The following PCDHA11 variants were observed in gnomAD, a reference collection of about 807,000 sequenced individuals.
PCDHA11 encodes the protein protocadherin alpha 11, also known as protocadherin alpha-11.
A neutral mutation model predicts 70.3 loss-of-function variants in PCDHA11; 61 were observed. The observed-to-expected ratio is 0.87, with a 90% CI of 0.71 to 1.07. The LOEUF (loss-of-function observed/expected upper bound fraction) is 1.07, where lower values mean the gene tolerates loss of function less well. Ranked by LOEUF, PCDHA11 falls within the 50% of genes least tolerant of loss-of-function variation. The probability of loss-of-function intolerance (pLI) is 0.00; values close to 1 mark genes in which losing one functional copy is unlikely to be tolerated. For missense variants in PCDHA11, 1,324 were observed against 1,237.5 expected, an observed-to-expected ratio of 1.07 and a Z score of -1.05; for synonymous variants, 633 against 555.1, an observed-to-expected ratio of 1.14 and a Z score of -1.97.
At chr5:140,947,454 C>T (rs138457341) in intron 1 of PCDHA11, among the ~76,000 whole-genome samples, 1 of 151,582 alleles carries the variant, frequency 6.6e-6, no homozygotes, top group Non-Finnish European at 1.5e-5. Flanking sequence ...ATCCTCCAAC[C>T]TTGTTCTACT....
chr5:140,966,709 G>C, intron 1 of PCDHA11: 1 of 1,387,174 alleles, frequency 7.2e-7, no homozygotes. Context: ...CGTGGGGCAC[G>C]GCTGGGGAAG....
chr5:140,919,115 T>G (rs2079009343), intron 1 of PCDHA11, among the ~76,000 whole-genome samples: 1 of 152,228 alleles, frequency 6.6e-6, no homozygotes, highest in Non-Finnish European at 1.5e-5. Context: ...TTCTGCCAGT[T>G]TTTGCTTCAT....
At chr5:140,919,012 C>T (rs1411489160) in intron 1 of PCDHA11, among the ~76,000 whole-genome samples, 1 of 152,164 alleles carries the variant, frequency 6.6e-6, no homozygotes, top group Non-Finnish European at 1.5e-5. Flanking sequence ...CTTTCATTTC[C>T]TAGTGATCTT....
intron 1 of PCDHA11, chr5:140,967,313 C>T: frequency 6.2e-7 from 1 of 1,611,052 alleles, no homozygotes; most frequent in Non-Finnish European, 8.5e-7. Flanking sequence ...CAACTCAGTA[C>T]AGACCTACGA....
intron 1 of PCDHA11, among the ~76,000 whole-genome samples, chr5:140,924,907 A>T (rs538089373): frequency 0.035 from 1,776 of 50,942 alleles, 16 homozygotes; most frequent in Non-Finnish European, 0.042. Context: ...AAAAAAAAAT[A>T]AAATAAAATA....
At chr5:140,989,839 AGT>A (rs1161936815) in intron 3 of PCDHA11, among the ~76,000 whole-genome samples, 2 of 152,166 alleles carry the variant, frequency 1.3e-5, no homozygotes, top group Non-Finnish European at 2.9e-5. Context: ...CCTGTCAATG[AGT>A]GTGTGGACTG....
chr5:140,897,875 G>A (rs2066378352), intron 1 of PCDHA11, among the ~76,000 whole-genome samples: 1 of 152,080 alleles, frequency 6.6e-6, no homozygotes, highest in South Asian at 2.1e-4. Flanking sequence ...TTTAATGATT[G>A]CCATTCTAAC....
intron 1 of PCDHA11, chr5:140,966,561 G>T: frequency 2.0e-6 from 1 of 488,962 alleles, no homozygotes; most frequent in African/African-American, 2.0e-5. Flanking sequence ...GGAGGAGCTG[G>T]AATATGGGGA....
chr5:140,960,188 G>A (rs1371016387), intron 1 of PCDHA11, among the ~76,000 whole-genome samples: 7 of 152,132 alleles, frequency 4.6e-5, no homozygotes, highest in Non-Finnish European at 7.4e-5. Flanking sequence ...GGTTGCATGT[G>A]TAGTGGTCAG....
rs1336398509 is a variant in PCDHA11 at position 140,898,765 on chromosome 5, G to A, written c.2391+27271G>A. On this transcript the variant is annotated intron_variant, in intron 1 of 3. Transcript: ENST00000398640. ...GCTTGATGGGGATGGCATTGAATCT[G>A]TAAATTACCTTGGGCAGTATGGCCA... 8.0e-3 allele frequency among the ~76,000 whole-genome samples: 1,218 copies of A among 151,752 alleles called. 6 individuals are homozygous for A. The highest frequency in any genetic ancestry group is 0.019 in the African/African-American group (786 of 41,220).
At chr5:140,983,171 C>T (rs1371766725) in intron 3 of PCDHA11, among the ~76,000 whole-genome samples, 2 of 152,136 alleles carry the variant, frequency 1.3e-5, no homozygotes, top group Non-Finnish European at 2.9e-5. Flanking sequence ...AACATGACCG[C>T]CTCACAATTT....
chr5:141,006,405 C>T (rs782532612), intron 3 of PCDHA11, among the ~76,000 whole-genome samples: 28 of 151,916 alleles, frequency 1.8e-4, no homozygotes, highest in Middle Eastern at 6.8e-3. Context: ...AGTAGAGACG[C>T]GGTTTCACTG....
At chr5:140,958,343 T>C (rs904666839) in intron 1 of PCDHA11, among the ~76,000 whole-genome samples, 2 of 152,144 alleles carry the variant, frequency 1.3e-5, no homozygotes, top group African/African-American at 4.8e-5. Flanking sequence ...TCACAGGAAG[T>C]TCACAGTCTG....
chr5:141,003,708 A>T (rs1251126675), intron 3 of PCDHA11, among the ~76,000 whole-genome samples: 1 of 152,218 alleles, frequency 6.6e-6, no homozygotes, highest in Non-Finnish European at 1.5e-5. Flanking sequence ...CCAATTGTGA[A>T]GATATCGGCT....
chr5:140,877,218 G>C (rs781819579), intron 1 of PCDHA11: 1 of 1,613,726 alleles, frequency 6.2e-7, no homozygotes, highest in South Asian at 1.1e-5. Context: ...AGTTGGTACC[G>C]CGGTCGGTGG....
intron 1 of PCDHA11, among the ~76,000 whole-genome samples, chr5:140,924,224 T>A (rs1266072324): frequency 6.6e-6 from 1 of 152,220 alleles, no homozygotes; most frequent in Non-Finnish European, 1.5e-5. Context: ...TAAGTTCAAT[T>A]TTTATGGGCT....
At chr5:140,969,034 G>A in intron 1 of PCDHA11, 1 of 1,614,144 alleles carries the variant, frequency 6.2e-7, no homozygotes, top group East Asian at 2.2e-5. Flanking sequence ...CTGCAGAACT[G>A]TACAAACAAG....
At chr5:140,884,312 G>A in intron 1 of PCDHA11, 1 of 1,613,768 alleles carries the variant, frequency 6.2e-7, no homozygotes, top group Non-Finnish European at 8.5e-7. Context: ...TTCGTCGAGG[G>A]CGTCGGCAGG....
intron 3 of PCDHA11, among the ~76,000 whole-genome samples, chr5:140,991,403 C>A (rs1230118485): frequency 6.6e-6 from 1 of 152,116 alleles, no homozygotes; most frequent in African/African-American, 2.4e-5. Context: ...TATTTATTTC[C>A]CATTATGCTA....
Sources: gnomAD v4.1 joint callset for allele counts (sites outside exome capture counted in the v4.1 genomes callset) on GRCh38, gnomAD v4.1.1 for gene constraint, MANE v1.5 for transcripts, NCBI Gene and HGNC (gene_info 2026-07-23, HGNC 2026-07-21) for gene names.